Variants in ZBTB8A observed in about 807,000 individuals in gnomAD.
ZBTB8A encodes the protein zinc finger and BTB domain containing 8A.
ZBTB8A carries 19 observed loss-of-function variants against 37.8 expected under a neutral mutation model. That is an observed-to-expected ratio of 0.50 (90% CI 0.35 to 0.74). The LOEUF (loss-of-function observed/expected upper bound fraction) is 0.74, where lower values mean the gene tolerates loss of function less well. Ranked by LOEUF, ZBTB8A falls within the 30% of genes least tolerant of loss-of-function variation. The pLI is 0.01. For missense variants in ZBTB8A, 394 were observed against 537.8 expected, an observed-to-expected ratio of 0.73 and a Z score of 2.65; for synonymous variants, 181 against 185.2, an observed-to-expected ratio of 0.98 and a Z score of 0.19.
At chr1:32,567,818 A>AC (rs1458656673) in intron 2 of ZBTB8A, among the ~76,000 whole-genome samples, 11 of 23,090 alleles carry the variant, frequency 4.8e-4, no homozygotes, top group African/African-American at 9.4e-4. Context: ...AAAAAAAAAA[A>AC]AAAAACAAAA....
chr1:32,554,758 C>T (rs1002184707), intron 2 of ZBTB8A, among the ~76,000 whole-genome samples: 4 of 152,056 alleles, frequency 2.6e-5, no homozygotes, highest in African/African-American at 7.2e-5. Flanking sequence ...GGATTACAGG[C>T]CTGAGCCACC....
At chr1:32,545,850 C>T (rs1644099429) in intron 1 of ZBTB8A, among the ~76,000 whole-genome samples, 1 of 152,192 alleles carries the variant, frequency 6.6e-6, no homozygotes, top group Non-Finnish European at 1.5e-5. Context: ...AAATGTTTCT[C>T]AATACTACCA....
intron 1 of ZBTB8A, among the ~76,000 whole-genome samples, chr1:32,546,655 ACTT>A (rs1186892158): frequency 1.3e-5 from 2 of 152,038 alleles, no homozygotes; most frequent in Non-Finnish European, 2.9e-5. Flanking sequence ...AGGAAAATAT[ACTT>A]CTGTGGAGTT....
At chr1:32,555,963 C>T (rs1367817376) in intron 2 of ZBTB8A, among the ~76,000 whole-genome samples, 9 of 151,788 alleles carry the variant, frequency 5.9e-5, no homozygotes, top group Admixed American at 5.9e-4. Flanking sequence ...GGCTGGAGTG[C>T]AGTGGAGCAA....
chr1:32,555,391 A>AAAT (rs1644193610), intron 2 of ZBTB8A, among the ~76,000 whole-genome samples: 2 of 152,148 alleles, frequency 1.3e-5, no homozygotes, highest in African/African-American at 2.4e-5. Flanking sequence ...TCTGTCTCAA[A>AAAT]AATAATAATA....
intron 2 of ZBTB8A, among the ~76,000 whole-genome samples, chr1:32,566,804 G>A (rs1478404734): frequency 6.6e-6 from 1 of 152,122 alleles, no homozygotes; most frequent in African/African-American, 2.4e-5. Context: ...CCTGGGTGAG[G>A]AATGTTGCAG....
chr1:32,559,829 T>C (rs915209923), intron 2 of ZBTB8A, among the ~76,000 whole-genome samples: 3 of 152,080 alleles, frequency 2.0e-5, no homozygotes, highest in Admixed American at 2.0e-4. Flanking sequence ...ATTAATGGGT[T>C]ATCATGGGAG....
intron 1 of ZBTB8A, among the ~76,000 whole-genome samples, chr1:32,545,313 G>A (rs1163356152): frequency 6.6e-6 from 1 of 152,070 alleles, no homozygotes; most frequent in East Asian, 1.9e-4. Context: ...TTGTGATTTT[G>A]ATTTGCATTT....
intron 2 of ZBTB8A, among the ~76,000 whole-genome samples, chr1:32,553,915 T>C (rs949793219): frequency 6.9e-6 from 1 of 144,922 alleles, no homozygotes; most frequent in African/African-American, 2.6e-5. Flanking sequence ...AGGTAGAATT[T>C]TGGGCCGGGT....
chr1:32,563,407 A>G (rs776869811), intron 2 of ZBTB8A, among the ~76,000 whole-genome samples: 4 of 152,118 alleles, frequency 2.6e-5, no homozygotes, highest in Non-Finnish European at 4.4e-5. Flanking sequence ...TCCCCACCCT[A>G]CAGGATTTCT....
chr1:32,573,211 C>T (rs1644335178), intron 2 of ZBTB8A, among the ~76,000 whole-genome samples: 1 of 150,218 alleles, frequency 6.7e-6, no homozygotes, highest in African/African-American at 2.4e-5. Flanking sequence ...GCTGGGATTA[C>T]AGGTGCGTGC....
chr1:32,540,046 G>A (rs1207643396), intron 1 of ZBTB8A, among the ~76,000 whole-genome samples: 2 of 152,002 alleles, frequency 1.3e-5, no homozygotes, highest in African/African-American at 2.4e-5. Flanking sequence ...TGGCTCCCAG[G>A]GCAGTAGCCC....
At chr1:32,556,070 TTTTA>T (rs1644199531) in intron 2 of ZBTB8A, among the ~76,000 whole-genome samples, 1 of 150,070 alleles carries the variant, frequency 6.7e-6, no homozygotes, top group Non-Finnish European at 1.5e-5. Flanking sequence ...AATTTTTTAT[TTTTA>T]TTTATTTATT....
intron 2 of ZBTB8A, among the ~76,000 whole-genome samples, chr1:32,553,750 G>T (rs1644176204): frequency 6.6e-6 from 1 of 151,978 alleles, no homozygotes; most frequent in African/African-American, 2.4e-5. Flanking sequence ...GCCAGGCATG[G>T]TGGCACATGC....
Position 32,605,891 on chromosome 1 carries a change from A to C in ZBTB8A, c.*5472A>C, listed in dbSNP as rs1431083915. 6.6e-6 allele frequency: 1 copy of C among 152,106 alleles called. No homozygotes were observed. The highest frequency in any genetic ancestry group is 1.5e-5 in the Non-Finnish European group (1 of 68,026). 9.4% of individuals were successfully genotyped at this position (152,106 alleles called of 1,614,324 possible). A position where few individuals can be genotyped will look rare whatever the true frequency, so the allele number is the denominator to read the frequency against. On this transcript the variant is annotated 3_prime_UTR_variant, in exon 5 of 5. Coordinates refer to ENST00000373510, the MANE Select transcript of ZBTB8A (RefSeq NM_001040441.3). ...GTAACAGTGGATTGTTTTAAAGCTG[A>C]CGTCATTGTATGTGGATACATTCTA...
chr1:32,589,738 G>T (rs891581347), intron 2 of ZBTB8A, among the ~76,000 whole-genome samples: 1 of 151,604 alleles, frequency 6.6e-6, no homozygotes, highest in African/African-American at 2.4e-5. Context: ...TTTTAGTAGA[G>T]ACGGGGTTTC....
rs1171736649 is a variant in ZBTB8A at position 32,573,287 on chromosome 1, G to T, written c.-1-19644G>T. Among the ~76,000 whole-genome samples, 3 of 149,980 alleles carry T rather than the reference G, an allele frequency of 2.0e-5. No individual in the cohort carries two copies. The East Asian group carries it at 5.9e-4, about 30-fold the overall frequency. On this transcript the variant is annotated intron_variant, in intron 2 of 4. Transcript: ENST00000373510. Reference sequence around the variant, plus strand: ...GATGGGGTTTCAGCACGTTGGTCAGGCTGGTCTCGAACTCCTGACCTCGTG... The same window carrying T: ...GATGGGGTTTCAGCACGTTGGTCAGTCTGGTCTCGAACTCCTGACCTCGTG...
Position 32,601,597 on chromosome 1 carries a change from T to C in ZBTB8A, c.*1178T>C, listed in dbSNP as rs1644576682. On this transcript the variant is annotated 3_prime_UTR_variant, in exon 5 of 5. Coordinates refer to ENST00000373510, the MANE Select transcript of ZBTB8A (RefSeq NM_001040441.3). Reference sequence around the variant, plus strand: ...TATTTTCTCAGTGAGGTGGATACTATCTCCGATTTACAAATGAGGAAATTA... The same window carrying C: ...TATTTTCTCAGTGAGGTGGATACTACCTCCGATTTACAAATGAGGAAATTA... The C allele has an allele frequency of 5.0e-6, 2 of 398,580 alleles. No individual in the cohort carries two copies. Among genetic ancestry groups the C allele is most frequent in the East Asian group, 7.1e-5 (2 of 28,052 alleles). 24.7% of individuals were successfully genotyped at this position (398,580 alleles called of 1,614,324 possible).
intron 1 of ZBTB8A, among the ~76,000 whole-genome samples, chr1:32,552,573 G>A (rs948453993): frequency 7.2e-5 from 11 of 152,100 alleles, no homozygotes; most frequent in Non-Finnish European, 1.3e-4. Flanking sequence ...GGCTGAGGCA[G>A]GGGAATTGCT....
Sources: allele counts gnomAD v4.1 joint callset (sites outside exome capture counted in the v4.1 genomes callset), GRCh38; gene constraint gnomAD v4.1.1; transcripts MANE v1.5; gene names NCBI Gene and HGNC (gene_info 2026-07-23, HGNC 2026-07-21).